Variants in MCOLN3 observed in about 807,000 individuals in gnomAD.
MCOLN3 encodes mucolipin-3.
In MCOLN3, 62 loss-of-function variants were observed where a neutral mutation model predicts 69.4. That is an observed-to-expected ratio of 0.89 (90% CI 0.73 to 1.10). MCOLN3 has a LOEUF of 1.10. MCOLN3 is among the 50% of genes least tolerant of loss of function. The pLI is 0.00. For synonymous variants in MCOLN3, 183 were observed against 217.0 expected, an observed-to-expected ratio of 0.84 and a Z score of 1.38; for missense variants, 564 against 656.4, an observed-to-expected ratio of 0.86 and a Z score of 1.54.
chr1:85,022,548 AT>A, intron 9 of MCOLN3, 148 bp from the exon 10 acceptor site: 1 of 566,252 alleles, frequency 1.8e-6, no homozygotes, highest in Non-Finnish European at 3.1e-6. Context: ...TAAAGCTTAC[AT>A]TCTAGTGGAG....
chr1:85,029,558 C>T (rs747396845), intron 6 of MCOLN3: 48 of 163,164 alleles, frequency 2.9e-4, no homozygotes, highest in Non-Finnish European at 4.2e-4. Context: ...GTGCTTTCTC[C>T]CAAATTCCGG....
intron 2 of MCOLN3, 68 bp downstream of exon 2, chr1:85,045,065 A>T: frequency 8.0e-7 from 1 of 1,255,258 alleles, no homozygotes; most frequent in Non-Finnish European, 1.1e-6. Flanking sequence ...TAAAAAAAAA[A>T]CCACTGTCCA....
Position 85,029,239 on chromosome 1 carries a change from T to G in MCOLN3, c.733-34A>C, listed in dbSNP as rs767072284. On this transcript the variant is annotated intron_variant, in intron 6 of 12. Coordinates refer to ENST00000370589, the MANE Select transcript of MCOLN3 (RefSeq NM_018298.11). ...ACAGGAAAACAGTCAAAAACATACT[T>G]ATAGTTTTGGAGCCAAGAAACCTCT... The G allele has an allele frequency of 5.1e-6, 7 of 1,381,534 alleles. No individual in the cohort carries two copies. The South Asian group carries it at 8.3e-5, about 16-fold the overall frequency. 85.6% of individuals were successfully genotyped at this position (1,381,534 alleles called of 1,614,324 possible). A position where few individuals can be genotyped will look rare whatever the true frequency, so the allele number is the denominator to read the frequency against.
intron 9 of MCOLN3, chr1:85,023,547 G>A (rs146987560): frequency 3.3e-4 from 51 of 152,352 alleles, no homozygotes; most frequent in African/African-American, 1.2e-3. Context: ...GACTGCAGAG[G>A]TGGGGGCTTT....
chr1:85,045,371 A>G lies in MCOLN3; in HGVS notation c.-2-9T>C. Reference sequence around the variant, plus strand: ...CTCAGGATCTGCCATCTCTAGAGGAAAAAAACAACAACAACAACAACCAAC... The same window carrying G: ...CTCAGGATCTGCCATCTCTAGAGGAGAAAAACAACAACAACAACAACCAAC... On this transcript the variant is annotated splice_polypyrimidine_tract_variant and intron_variant, in intron 1 of 12. Coordinates refer to ENST00000370589, the MANE Select transcript of MCOLN3 (RefSeq NM_018298.11). 1 of 1,589,320 alleles carries G rather than the reference A, an allele frequency of 6.3e-7. No homozygotes were observed. Among genetic ancestry groups the G allele is most frequent in the Non-Finnish European group, 8.6e-7 (1 of 1,164,286 alleles).
At chr1:85,020,996 T>G in intron 12 of MCOLN3, 74 bp downstream of exon 12, 1 of 1,075,322 alleles carries the variant, frequency 9.3e-7, no homozygotes, top group Non-Finnish European at 1.3e-6. Flanking sequence ...TCTTCTACCA[T>G]TAGGTACTGA....
At chr1:85,026,895 A>G (rs967924473) in intron 7 of MCOLN3, among the ~76,000 whole-genome samples, 6 of 148,542 alleles carry the variant, frequency 4.0e-5, no homozygotes, top group Middle Eastern at 3.5e-3. Context: ...AGCTGGAACT[A>G]TAGGTATGCC....
chr1:85,023,876 A>G (rs766079236), intron 9 of MCOLN3, among the ~76,000 whole-genome samples: 1 of 152,192 alleles, frequency 6.6e-6, no homozygotes, highest in Non-Finnish European at 1.5e-5. Flanking sequence ...TAGTCCATTG[A>G]AAGCATGTCA....
At chr1:85,040,661 C>T (rs540841446) in intron 3 of MCOLN3, among the ~76,000 whole-genome samples, 42 of 152,056 alleles carry the variant, frequency 2.8e-4, no homozygotes, top group Non-Finnish European at 4.7e-4. Flanking sequence ...TTAAGAGGCC[C>T]TGAAAGTATA....
chr1:85,040,199 C>G (rs1652993049), intron 3 of MCOLN3, among the ~76,000 whole-genome samples: 1 of 152,152 alleles, frequency 6.6e-6, no homozygotes, highest in Non-Finnish European at 1.5e-5. Flanking sequence ...ATTTTCCCAA[C>G]CCCAGTGCTA....
At chr1:85,027,490 G>A (rs927812281) in intron 7 of MCOLN3, among the ~76,000 whole-genome samples, 21 of 152,162 alleles carry the variant, frequency 1.4e-4, no homozygotes, top group Non-Finnish European at 2.8e-4. Context: ...TGTGCAGTTT[G>A]TTTCCAGTGT....
intron 10 of MCOLN3, 32 bp from the exon 11 acceptor site, chr1:85,022,224 T>A: frequency 1.2e-6 from 2 of 1,613,906 alleles, no homozygotes; most frequent in Non-Finnish European, 8.5e-7. Flanking sequence ...TTAGAATGGT[T>A]TTGTCCTTTA....
rs537313489 is a variant in MCOLN3, at chr1:85,040,257, C to T, written c.396+753G>A. 3.3e-5 allele frequency among the ~76,000 whole-genome samples: 5 copies of T among 152,282 alleles called. No individual in the cohort carries two copies. The South Asian group carries it at 1.0e-3, about 32-fold the overall frequency. On this transcript the variant is annotated intron_variant, in intron 3 of 12. Transcript: ENST00000370589. ...ATATGTATTTTATCCTAGCAGTTTA[C>T]ATCTTACTGTGCATAGACTGTCTCT...
Position 85,019,154 on chromosome 1 carries a change from G to A in MCOLN3, c.1631C>T (p.Pro544Leu). ...TTTACAACAGCAGAATAAAGATACT[G>A]GAGGGTCATCTTCTAATCTGTATTT... The part of the protein sequence containing the change: ...SGKYRLEDDP[P>L]VSLFCCCKK Residue 544 changes from proline (P) to leucine (L), a missense_variant, in exon 13 of 13, where the codon CCA becomes CTA. Pro to Leu is a moderately conservative substitution (Grantham distance 98, BLOSUM62 -3). Transcript: ENST00000370589. The A allele has an allele frequency of 6.2e-7, 1 of 1,613,550 alleles. No individual in the cohort carries two copies. The highest frequency in any genetic ancestry group is 8.5e-7 in the Non-Finnish European group (1 of 1,179,640).
chr1:85,047,993 G>A (rs1271513299), intron 1 of MCOLN3, among the ~76,000 whole-genome samples: 1 of 152,216 alleles, frequency 6.6e-6, no homozygotes, highest in Non-Finnish European at 1.5e-5. Context: ...AAAGGGGCCA[G>A]CCGAGCCGCG....
intron 7 of MCOLN3, among the ~76,000 whole-genome samples, chr1:85,027,902 G>C (rs1405198782): frequency 6.6e-6 from 1 of 152,152 alleles, no homozygotes; most frequent in Non-Finnish European, 1.5e-5. Context: ...TAACAAGTTA[G>C]ACTGCTCTCT....
chr1:85,026,850 G>C (rs1490250342), intron 7 of MCOLN3, among the ~76,000 whole-genome samples: 2 of 134,306 alleles, frequency 1.5e-5, no homozygotes, highest in African/African-American at 5.4e-5. Flanking sequence ...TTACCTCCCT[G>C]CATATTCTTT....
intron 1 of MCOLN3, 75 bp from the exon 2 acceptor site, chr1:85,045,437 A>C: frequency 1.7e-6 from 2 of 1,206,564 alleles, no homozygotes; most frequent in Non-Finnish European, 2.3e-6. Flanking sequence ...CATATTCTTT[A>C]ATATTGCAAG....
chr1:85,041,337 C>G (rs746260682), intron 2 of MCOLN3, among the ~76,000 whole-genome samples, 160 bp from the exon 3 acceptor site: 1 of 152,150 alleles, frequency 6.6e-6, no homozygotes, highest in Non-Finnish European at 1.5e-5. Flanking sequence ...TTAAGAAAGT[C>G]CAAGTCCTAT....
Sources: gnomAD v4.1 joint callset for allele counts (sites outside exome capture counted in the v4.1 genomes callset) on GRCh38, gnomAD v4.1.1 for gene constraint, MANE v1.5 for transcripts, NCBI Gene and HGNC (gene_info 2026-07-23, HGNC 2026-07-21) for gene names.